The following DDX60L variants were observed in gnomAD, a reference collection of about 807,000 sequenced individuals.
DDX60L encodes DExD/H-box 60 like.
A neutral mutation model predicts 211.6 loss-of-function variants in DDX60L; 191 were observed. The observed-to-expected ratio is 0.90, with a 90% confidence interval of 0.80 to 1.02. DDX60L has a LOEUF of 1.02. Ranked by LOEUF, DDX60L falls within the 50% of genes least tolerant of loss-of-function variation. DDX60L has a pLI of 0.00. For missense variants in DDX60L, 2,007 were observed against 1,984.1 expected, an observed-to-expected ratio of 1.01 and a Z score of -0.22; for synonymous variants, 706 against 694.1, an observed-to-expected ratio of 1.02 and a Z score of -0.27.
At chr4:168,422,908 T>C (rs1579543597) in intron 15 of DDX60L, among the ~76,000 whole-genome samples, 1 of 152,054 alleles carries the variant, frequency 6.6e-6, no homozygotes, top group East Asian at 1.9e-4. Flanking sequence ...CACCACTCCC[T>C]ATCCCATGCC....
chr4:168,377,438 C>G (rs1285551867), intron 33 of DDX60L, among the ~76,000 whole-genome samples: 1 of 152,086 alleles, frequency 6.6e-6, no homozygotes, highest in Non-Finnish European at 1.5e-5. Flanking sequence ...TTTATAATCT[C>G]TTTTTGTAGC....
chr4:168,449,127 A>T (rs1171245210), intron 8 of DDX60L, among the ~76,000 whole-genome samples: 1 of 152,082 alleles, frequency 6.6e-6, no homozygotes, highest in East Asian at 1.9e-4. Flanking sequence ...GACAGTTGCA[A>T]ACTGGTTCCA....
At chr4:168,407,446 C>T (rs184506635) in intron 22 of DDX60L, among the ~76,000 whole-genome samples, 138 of 152,330 alleles carry the variant, frequency 9.1e-4, no homozygotes, top group African/African-American at 3.2e-3. Context: ...TCAATCACCA[C>T]TTCTTCGAAT....
chr4:168,456,406 A>C (rs76922425), intron 6 of DDX60L, among the ~76,000 whole-genome samples: 4,111 of 152,272 alleles, frequency 0.027, 185 homozygotes, highest in African/African-American at 0.091. Context: ...AAGATTTAGT[A>C]AAACATGAAC....
chr4:168,382,237 A>G (rs1217569078), intron 30 of DDX60L, among the ~76,000 whole-genome samples: 2 of 152,248 alleles, frequency 1.3e-5, no homozygotes, highest in Admixed American at 1.3e-4. Flanking sequence ...AAATTTACCA[A>G]ATTCTGACAT....
Position 168,379,729 on chromosome 4 carries a change from T to C in DDX60L, c.4218A>G (p.Lys1406=), listed in dbSNP as rs1026259779. 1.9e-6 allele frequency: 3 copies of C among 1,612,026 alleles called. No homozygotes were observed. Among genetic ancestry groups the C allele is most frequent in the Non-Finnish European group, 2.5e-6 (3 of 1,178,604 alleles). Residue 1406 remains lysine, a synonymous_variant, in exon 31 of 38, where the codon AAA becomes AAG. Transcript: ENST00000682922. ...AAAAGCCAAAGCACGATGATACCTCTTTGATAAGGAGCTGCAAGGAAAACA... is the reference window on the plus strand; with the variant it reads ...AAAAGCCAAAGCACGATGATACCTCCTTGATAAGGAGCTGCAAGGAAAACA... The part of the protein sequence containing the change: ...YFLFSLQLLI[K]EDYLNKKGNP...
At chr4:168,465,392 T>C (rs1228263797) in intron 4 of DDX60L, among the ~76,000 whole-genome samples, 2 of 152,164 alleles carry the variant, frequency 1.3e-5, no homozygotes, top group African/African-American at 4.8e-5. Flanking sequence ...ATATCCTGGA[T>C]ATTAATTCCT....
intron 8 of DDX60L, among the ~76,000 whole-genome samples, chr4:168,452,583 T>C (rs1755950786): frequency 6.6e-6 from 1 of 152,050 alleles, no homozygotes; most frequent in African/African-American, 2.4e-5. Context: ...ATTTTAAAAA[T>C]TATGCTAACC....
At position 168,465,193 on chromosome 4, in the gene DDX60L, G is replaced by A. The variant is rs528717214; in HGVS notation, c.265-3153C>T. Reference sequence around the variant, plus strand: ...TTTTTGACAACAGCTATTCTAATGGGGTGAGATGCTATCTTATTATGGTTT... The same window carrying A: ...TTTTTGACAACAGCTATTCTAATGGAGTGAGATGCTATCTTATTATGGTTT... On this transcript the variant is annotated intron_variant, in intron 4 of 37. Transcript: ENST00000682922. Among the ~76,000 whole-genome samples the A allele has an allele frequency of 1.9e-4, 29 of 151,652 alleles. No homozygotes were observed. The South Asian group carries it at 5.6e-3, about 30-fold the overall frequency.
intron 16 of DDX60L, 95 bp from the exon 17 acceptor site, chr4:168,422,004 G>A: frequency 1.3e-6 from 2 of 1,501,082 alleles, no homozygotes; most frequent in Non-Finnish European, 1.8e-6. Context: ...TCCTGTGCCT[G>A]TATTATGCTA....
intron 36 of DDX60L, among the ~76,000 whole-genome samples, chr4:168,369,243 G>A (rs904608257): frequency 3.3e-5 from 5 of 152,148 alleles, no homozygotes; most frequent in African/African-American, 1.2e-4. Context: ...TCTTTCCTGA[G>A]CTGTTCTCCT....
chr4:168,366,131 C>T (rs1739946825), intron 36 of DDX60L, among the ~76,000 whole-genome samples: 1 of 152,012 alleles, frequency 6.6e-6, no homozygotes, highest in Admixed American at 6.6e-5. Flanking sequence ...TACTAGTAGT[C>T]CTAGCCAGGG....
At chr4:168,361,011 T>C in intron 37 of DDX60L, 138 bp downstream of exon 37, 1 of 648,156 alleles carries the variant, frequency 1.5e-6, no homozygotes. Flanking sequence ...ATAGCTGAAT[T>C]GTAGAGAACC....
chr4:168,373,889 C>G (rs951735402), intron 34 of DDX60L, 81 bp from the exon 35 acceptor site: 2 of 1,399,374 alleles, frequency 1.4e-6, no homozygotes, highest in Non-Finnish European at 2.0e-6. Flanking sequence ...GTAGGTCAAG[C>G]CACAGTAGGT....
intron 33 of DDX60L, among the ~76,000 whole-genome samples, chr4:168,376,771 G>A (rs1440299175): frequency 6.6e-6 from 1 of 152,200 alleles, no homozygotes; most frequent in Non-Finnish European, 1.5e-5. Context: ...CTTCTCGAAT[G>A]TGTATGCTAT....
In DDX60L at chr4:168,423,660, C is replaced by T. The variant is rs1561043404; in HGVS notation, c.2045G>A (p.Cys682Tyr). 8.1e-6 allele frequency: 13 copies of T among 1,600,392 alleles called. No individual in the cohort carries two copies. The highest frequency in any genetic ancestry group is 1.1e-5 in the Non-Finnish European group (13 of 1,173,358). Reference sequence around the variant, plus strand: ...ATCATTAAAGCCTAAATATTTAAGGCATTTAGCTATATATTGATGATGTTC... The same window carrying T: ...ATCATTAAAGCCTAAATATTTAAGGTATTTAGCTATATATTGATGATGTTC... ...EAEHHQYIAK[C>Y]LKYLGFNDLA... The change falls in exon 15 of 38, where the codon TGC becomes TAC. Residue 682 changes from cysteine to tyrosine, a missense_variant. Physicochemically the swap from Cys to Tyr is radical, Grantham distance 194. Transcript: ENST00000682922.
chr4:168,441,509 A>G lies in DDX60L; in HGVS notation c.1139-17T>C. The G allele has an allele frequency of 1.3e-6, 2 of 1,572,280 alleles. No homozygotes were observed. Among genetic ancestry groups the G allele is most frequent in the Non-Finnish European group, 1.7e-6 (2 of 1,158,942 alleles). The stretch of plus-strand genomic sequence containing the variant: ...AATGTGGTTCTGCATAACAATAAAA[A>G]ATATTAAAATCTCAAAAGTCATACA... On this transcript the variant is annotated splice_polypyrimidine_tract_variant and intron_variant, in intron 9 of 37. Coordinates refer to ENST00000682922, the MANE Select transcript of DDX60L (RefSeq NM_001012967.3).
At chr4:168,377,143 A>C (rs985486110) in intron 33 of DDX60L, among the ~76,000 whole-genome samples, 4 of 152,034 alleles carry the variant, frequency 2.6e-5, no homozygotes, top group African/African-American at 9.7e-5. Flanking sequence ...ATACAAAAAA[A>C]TTAGCCAAGC....
intron 10 of DDX60L, among the ~76,000 whole-genome samples, chr4:168,437,804 A>G (rs939899667): frequency 2.0e-5 from 3 of 152,046 alleles, no homozygotes; most frequent in Admixed American, 2.0e-4. Context: ...AGAACATCAC[A>G]TGATGATTAG....
Sources: gnomAD v4.1 joint callset for allele counts (sites outside exome capture counted in the v4.1 genomes callset) on GRCh38, gnomAD v4.1.1 for gene constraint, MANE v1.5 for transcripts, NCBI Gene and HGNC (gene_info 2026-07-23, HGNC 2026-07-21) for gene names.